SIK3: variants seen among roughly 807,000 people sequenced by gnomAD.
The protein encoded by SIK3 is serine/threonine-protein kinase SIK3.
SIK3 carries 28 observed loss-of-function variants against 144.2 expected under a neutral mutation model. That is an observed-to-expected ratio of 0.19 (90% CI 0.14 to 0.27). SIK3 has a LOEUF of 0.27. Ranked by LOEUF, SIK3 falls within the 10% of genes least tolerant of loss-of-function variation. The pLI is 1.00. For synonymous variants in SIK3, 686 were observed against 676.3 expected (o/e 1.01, Z -0.22); for missense variants, 1,319 against 1,776.0 (o/e 0.74, Z 4.62).
At chr11:116,871,287 T>TACAAAACAAA (rs10658918) in intron 13 of SIK3, among the ~76,000 whole-genome samples, 6 of 152,050 alleles carry the variant, frequency 3.9e-5, no homozygotes, top group African/African-American at 1.2e-4. Flanking sequence ...AATGGCTAAT[T>TACAAAACAAA]ACAAAACAAA....
chr11:116,869,763 C>A (rs984707139), intron 14 of SIK3: 2 of 238,866 alleles, frequency 8.4e-6, no homozygotes, highest in Non-Finnish European at 8.3e-6. Flanking sequence ...GTGAGTTAGG[C>A]ATCTCTCAAC....
At chr11:117,017,961 C>T (rs972500663) in intron 1 of SIK3, among the ~76,000 whole-genome samples, 1 of 152,036 alleles carries the variant, frequency 6.6e-6, no homozygotes, top group South Asian at 2.1e-4. Flanking sequence ...AGAGGAAATA[C>T]CATAGAACAT....
chr11:117,074,453 T>C (rs561852348), intron 1 of SIK3, among the ~76,000 whole-genome samples: 2 of 152,316 alleles, frequency 1.3e-5, no homozygotes, highest in South Asian at 2.1e-4. Context: ...TATGAAGTGA[T>C]AAAATGTTGT....
chr11:116,929,365 T>C (rs1277342875), intron 3 of SIK3, among the ~76,000 whole-genome samples: 1 of 152,220 alleles, frequency 6.6e-6, no homozygotes, highest in African/African-American at 2.4e-5. Context: ...TTAATTAAAA[T>C]GCCCAAGAGA....
chr11:117,094,806 CTAAG>C (rs1330926139), intron 1 of SIK3, among the ~76,000 whole-genome samples: 1 of 151,342 alleles, frequency 6.6e-6, no homozygotes, highest in Non-Finnish European at 1.5e-5. Flanking sequence ...GAACCTCAGG[CTAAG>C]TAAGGCTCTT....
In SIK3 at chr11:116,846,667, C is replaced by T; in HGVS notation, c.3953-114G>A. ...CTGTCGAGCATCCCACAGCCTGACT[C>T]CCAGCCCTGAATTCTAGCTCACAGC... On this transcript the variant is annotated intron_variant, in intron 23 of 24. Transcript: ENST00000445177. This position sits in a 1 kb window ranked among gnomAD's most constrained non-coding sequence, Gnocchi z 4.1. 9.1e-6 allele frequency: 11 copies of T among 1,214,864 alleles called. No individual in the cohort carries two copies. The highest frequency in any genetic ancestry group is 1.3e-5 in the Non-Finnish European group (11 of 859,122). 75.3% of individuals were successfully genotyped at this position (1,214,864 alleles called of 1,614,324 possible). A position where few individuals can be genotyped will look rare whatever the true frequency, so the allele number is the denominator to read the frequency against.
chr11:116,968,734 C>T (rs1448798459), intron 1 of SIK3, among the ~76,000 whole-genome samples: 2 of 152,096 alleles, frequency 1.3e-5, no homozygotes, highest in Admixed American at 1.3e-4. Context: ...CAAAAAGATG[C>T]TAAGGTAGAA....
At chr11:117,092,067 G>A (rs1565635612) in intron 1 of SIK3, among the ~76,000 whole-genome samples, 1 of 152,162 alleles carries the variant, frequency 6.6e-6, no homozygotes, top group Non-Finnish European at 1.5e-5. Context: ...TTACAGGCAT[G>A]AGCCACCACA....
intron 3 of SIK3, among the ~76,000 whole-genome samples, chr11:116,928,515 T>C (rs1397233755): frequency 6.6e-6 from 1 of 152,178 alleles, no homozygotes; most frequent in Non-Finnish European, 1.5e-5. Flanking sequence ...GAATACACAA[T>C]TGTTTTGGTG....
chr11:116,910,237 G>T (rs893694321), intron 4 of SIK3, among the ~76,000 whole-genome samples: 2 of 151,228 alleles, frequency 1.3e-5, no homozygotes, highest in African/African-American at 4.9e-5. Flanking sequence ...AGCTGTTAAC[G>T]AAGAACACTA....
intron 1 of SIK3, among the ~76,000 whole-genome samples, chr11:116,965,232 G>A (rs1398236210): frequency 6.6e-6 from 1 of 152,156 alleles, no homozygotes; most frequent in Non-Finnish European, 1.5e-5. Flanking sequence ...TCAGAAAACA[G>A]AAGCCTACGA....
At position 117,016,753 on chromosome 11, in the gene SIK3, G is replaced by A. The variant is rs11216233; in HGVS notation, c.274-59689C>T. On this transcript the variant is annotated intron_variant, in intron 1 of 24. Transcript: ENST00000445177. ...TATATATCTATCAAGACATCATGGC[G>A]TATACCTTGAATATACACAAATTTT... Among the ~76,000 whole-genome samples, 875 of 152,280 alleles carry A rather than the reference G, an allele frequency of 5.7e-3. 11 individuals are homozygous for A. The highest frequency in any genetic ancestry group is 0.02 in the African/African-American group (837 of 41,562).
chr11:116,846,616 G>T lies in SIK3; in HGVS notation c.3953-63C>A. 6.3e-7 allele frequency: 1 copy of T among 1,587,356 alleles called. No individual in the cohort carries two copies. The highest frequency in any genetic ancestry group is 8.6e-7 in the Non-Finnish European group (1 of 1,160,464). On this transcript the variant is annotated intron_variant, in intron 23 of 24. Coordinates refer to ENST00000445177, the MANE Select transcript of SIK3 (RefSeq NM_001366686.3). The surrounding 1 kb of genome is among the most constrained non-coding windows in gnomAD (Gnocchi z 4.1). ...ACTGGGGGACTAGGAGAGCAAGGGG[G>T]AGAGAGAGGAGGAATTGAAGGCAAC...
intron 1 of SIK3, among the ~76,000 whole-genome samples, chr11:116,988,617 CAAT>C (rs1307767562): frequency 6.6e-6 from 1 of 151,486 alleles, no homozygotes; most frequent in East Asian, 1.9e-4. Flanking sequence ...CCCATCTCTA[CAAT>C]AATAATAATT....
In SIK3 at chr11:117,013,977, T is replaced by C. The variant is rs561927807; in HGVS notation, c.274-56913A>G. On this transcript the variant is annotated intron_variant, in intron 1 of 24. Transcript: ENST00000445177. ...TTTATTTCTTTTTTTCTTTTCTTTT[T>C]TTTTTTTTTTTTTTTTTGAGACAGG... 5.9e-3 allele frequency among the ~76,000 whole-genome samples: 508 copies of C among 85,888 alleles called. 40 individuals carry two copies. Among genetic ancestry groups the C allele is most frequent in the Non-Finnish European group, 9.6e-3 (368 of 38,220 alleles). The allele number at this position is 85,888 out of a possible 152,430, so 56.3% of individuals were successfully genotyped here.
At chr11:116,968,287 C>T (rs564110723) in intron 1 of SIK3, among the ~76,000 whole-genome samples, 98 of 152,186 alleles carry the variant, frequency 6.4e-4, no homozygotes, top group African/African-American at 2.2e-3. Context: ...GGACTACAGG[C>T]GCGCACCACC....
At chr11:117,077,942 G>C (rs1954622049) in intron 1 of SIK3, among the ~76,000 whole-genome samples, 1 of 152,210 alleles carries the variant, frequency 6.6e-6, no homozygotes, top group Non-Finnish European at 1.5e-5. Context: ...TCCACGGTTA[G>C]GCTTTTTCAG....
At position 116,849,611 on chromosome 11, in the gene SIK3, C is replaced by A. The variant is rs1247351938; in HGVS notation, c.3656-328G>T. ...CCTAAATGCACATGAGAATTACTCT[C>A]GGAGCTTTCAGGACCCTCTAGCCCT... On this transcript the variant is annotated intron_variant, in intron 21 of 24. Transcript: ENST00000445177. This position sits in a 1 kb window ranked among gnomAD's most constrained non-coding sequence, Gnocchi z 4.2. Among the ~76,000 whole-genome samples, 1 of 152,166 alleles carries A rather than the reference C, an allele frequency of 6.6e-6. No homozygotes were observed. Among genetic ancestry groups the A allele is most frequent in the African/African-American group, 2.4e-5 (1 of 41,420 alleles).
chr11:116,883,671 C>T (rs911679728), intron 6 of SIK3, among the ~76,000 whole-genome samples: 1 of 152,152 alleles, frequency 6.6e-6, no homozygotes, highest in Non-Finnish European at 1.5e-5. Context: ...TGGTGGCTCA[C>T]GCCTATAATC....
Sources: allele counts gnomAD v4.1 joint callset (sites outside exome capture counted in the v4.1 genomes callset), GRCh38; gene constraint gnomAD v4.1.1; non-coding constraint Gnocchi (gnomAD v3.1); transcripts MANE v1.5; gene names NCBI Gene and HGNC (gene_info 2026-07-23, HGNC 2026-07-21).